The following PHLPP2 variants were observed in gnomAD, a reference collection of about 807,000 sequenced individuals.
PHLPP2 encodes PH domain and leucine rich repeat protein phosphatase 2, also known as PH domain leucine-rich repeat-containing protein phosphatase 2.
Under a neutral mutation model 124.9 loss-of-function variants are expected in PHLPP2, and 66 were observed. That is an observed-to-expected ratio of 0.53 (90% CI 0.43 to 0.65). PHLPP2 has a LOEUF of 0.65. Ranked by LOEUF, PHLPP2 falls within the 30% of genes least tolerant of loss-of-function variation. The pLI is 0.00. For synonymous variants in PHLPP2, 681 were observed against 624.7 expected (o/e 1.09, Z -1.34); for missense variants, 1,685 against 1,600.4 (o/e 1.05, Z -0.90).
At position 71,690,585 on chromosome 16, in the gene PHLPP2, A is replaced by C; in HGVS notation, c.543T>G (p.Leu181=). The change falls in exon 4 of 19, where the codon CTT becomes CTG. Residue 181 remains leucine (L), a synonymous_variant. Transcript: ENST00000568954. ...GACAATCCTTCACTGAGGAAACGAT[A>C]AGGCAGGTACCACAGAGGACAACTA... is the stretch of plus-strand genomic sequence containing the variant. The part of the protein sequence containing the change: ...ERLVVLCGTC[L]IVSSVKDCQT... The C allele has an allele frequency of 6.2e-7, 1 of 1,613,216 alleles. No homozygotes were observed. The highest frequency in any genetic ancestry group is 8.5e-7 in the Non-Finnish European group (1 of 1,179,162).
chr16:71,697,394 AT>A (rs2145363015), intron 3 of PHLPP2, among the ~76,000 whole-genome samples: 1 of 152,102 alleles, frequency 6.6e-6, no homozygotes, highest in Non-Finnish European at 1.5e-5. Flanking sequence ...ATGGAAGAAA[AT>A]TTTGTCACAT....
chr16:71,704,140 C>T (rs910868132), intron 2 of PHLPP2, among the ~76,000 whole-genome samples: 1 of 151,836 alleles, frequency 6.6e-6, no homozygotes, highest in Non-Finnish European at 1.5e-5. Flanking sequence ...GAAACTCCAT[C>T]TCTGCTAAAA....
intron 13 of PHLPP2, among the ~76,000 whole-genome samples, chr16:71,662,740 T>C (rs2044802844): frequency 6.6e-6 from 1 of 152,118 alleles, no homozygotes; most frequent in African/African-American, 2.4e-5. Flanking sequence ...TTCCAGGTTT[T>C]AGCTGGTCAT....
Position 71,669,348 on chromosome 16 carries a change from CA to C in PHLPP2, c.1554del (p.Asp519ThrfsTer9). 1 of 1,611,622 alleles carries C rather than the reference CA, an allele frequency of 6.2e-7. No individual in the cohort carries two copies. Among genetic ancestry groups the C allele is most frequent in the Non-Finnish European group, 8.5e-7 (1 of 1,179,152 alleles). ...DLSRNLLECV[P>X]DWACEAKKIE... ...ATCTTCTTTGCTTCACAGGCCCAGT[CA>C]GGGACACACTCTAGCAGGTTTCTGC... On this transcript the variant is annotated frameshift_variant, in exon 11 of 19. Transcript: ENST00000568954. LOFTEE classifies it high-confidence loss of function.
chr16:71,688,921 C>T (rs1182571533), intron 4 of PHLPP2, among the ~76,000 whole-genome samples: 1 of 152,158 alleles, frequency 6.6e-6, no homozygotes. Context: ...TGGATTCTCC[C>T]ACCTCTTTAG....
chr16:71,702,107 G>A (rs940232121), intron 3 of PHLPP2, among the ~76,000 whole-genome samples: 3 of 152,020 alleles, frequency 2.0e-5, no homozygotes, highest in South Asian at 4.1e-4. Flanking sequence ...TAGATGGGTC[G>A]TGTTCCTCAA....
chr16:71,694,209 A>G (rs1224254551), intron 3 of PHLPP2, among the ~76,000 whole-genome samples: 1 of 151,574 alleles, frequency 6.6e-6, no homozygotes, highest in Non-Finnish European at 1.5e-5. Flanking sequence ...ATAAAATAAA[A>G]TAAAATAATT....
rs73580203 is a variant in PHLPP2 at position 71,698,290 on chromosome 16, C to T, written c.418+4308G>A. 2.4e-3 allele frequency among the ~76,000 whole-genome samples: 372 copies of T among 152,280 alleles called. 2 individuals carry two copies. Among genetic ancestry groups the T allele is most frequent in the African/African-American group, 8.0e-3 (333 of 41,572 alleles). ...CCATCTGGGATGAGCTGCTTCTCAG[C>T]CCCCATGTCTTCAAATTCATCTGCA... On this transcript the variant is annotated intron_variant, in intron 3 of 18. Coordinates refer to ENST00000568954, the MANE Select transcript of PHLPP2 (RefSeq NM_015020.3).
chr16:71,690,503 T>C lies in PHLPP2; in HGVS notation c.609+16A>G, dbSNP rs772898763. Reference sequence around the variant, plus strand: ...AGATGATCAAATGAAAAATAATTCATCTTTGTGAGTCTTACCTTTCCACCA... The same window carrying C: ...AGATGATCAAATGAAAAATAATTCACCTTTGTGAGTCTTACCTTTCCACCA... On this transcript the variant is annotated intron_variant, in intron 4 of 18. Transcript: ENST00000568954. The C allele has an allele frequency of 1.6e-5, 25 of 1,523,582 alleles. No homozygotes were observed. The East Asian group carries it at 5.6e-4, about 34-fold the overall frequency. The allele number at this position is 1,523,582 out of a possible 1,614,324, so 94.4% of individuals were successfully genotyped here. A position where few individuals can be genotyped will look rare whatever the true frequency, so the allele number is the denominator to read the frequency against.
At chr16:71,683,017 A>C (rs961986771) in intron 5 of PHLPP2, among the ~76,000 whole-genome samples, 1 of 152,112 alleles carries the variant, frequency 6.6e-6, no homozygotes, top group African/African-American at 2.4e-5. Context: ...CTAAAAATAC[A>C]CAGATTAGCT....
At chr16:71,658,129 T>C in intron 15 of PHLPP2, 104 bp downstream of exon 15, 1 of 986,022 alleles carries the variant, frequency 1.0e-6, no homozygotes. Flanking sequence ...CCTAACTTCA[T>C]TCTGTTCTTT....
Position 71,723,859 on chromosome 16 carries a change from C to T in PHLPP2, c.-7+470G>A, listed in dbSNP as rs984207372. 2.5e-6 allele frequency: 3 copies of T among 1,200,348 alleles called. No individual in the cohort carries two copies. In the African/African-American group the frequency reaches 4.9e-5, roughly 19 times the overall value. The allele number at this position is 1,200,348 out of a possible 1,614,324, so 74.4% of individuals were successfully genotyped here. The stretch of plus-strand genomic sequence containing the variant: ...GCGGGCCCGCGGGCCCCGGCTCCAC[C>T]TCCCCCATCGGCGACCCAGGATTCA... On this transcript the variant is annotated intron_variant, in intron 1 of 18. Transcript: ENST00000568954.
At chr16:71,660,586 C>T (rs1009903846) in intron 13 of PHLPP2, among the ~76,000 whole-genome samples, 3 of 151,658 alleles carry the variant, frequency 2.0e-5, no homozygotes, top group Non-Finnish European at 2.9e-5. Context: ...CCACCATGCC[C>T]GGCTAATTTT....
At position 71,649,795 on chromosome 16, in the gene PHLPP2, G is replaced by C; in HGVS notation, c.3067C>G (p.Gln1023Glu). The C allele has an allele frequency of 3.1e-6, 5 of 1,614,226 alleles. No homozygotes were observed. Among genetic ancestry groups the C allele is most frequent in the Non-Finnish European group, 4.2e-6 (5 of 1,180,040 alleles). Residue 1023 changes from glutamine (Q) to glutamate (E), a missense_variant, in exon 19 of 19, where the codon CAG (glutamine) becomes GAG (glutamate). Physicochemically the swap from Gln to Glu is conservative, Grantham distance 29 (BLOSUM62 2). Coordinates refer to ENST00000568954, the MANE Select transcript of PHLPP2 (RefSeq NM_015020.3). ...ACTACCATCGCCCCTACATTGTCCT[G>C]ACAGCCATAGCTCTGCGCTAATGTG... ...LCTLAQSYGC[Q>E]DNVGAMVVYL...
intron 13 of PHLPP2, among the ~76,000 whole-genome samples, chr16:71,663,419 T>G (rs562432783): frequency 1.6e-4 from 25 of 152,342 alleles, no homozygotes; most frequent in Non-Finnish European, 2.6e-4. Context: ...CCAAACACCC[T>G]GCCTTTCTTA....
chr16:71,719,534 T>C (rs980862913), intron 1 of PHLPP2, among the ~76,000 whole-genome samples: 3 of 152,076 alleles, frequency 2.0e-5, no homozygotes, highest in Admixed American at 6.6e-5. Context: ...AATGAGGCTA[T>C]CTCTCTAAAA....
intron 4 of PHLPP2, among the ~76,000 whole-genome samples, chr16:71,689,199 G>C (rs143993097): frequency 1.3e-5 from 2 of 151,804 alleles, no homozygotes; most frequent in Non-Finnish European, 2.9e-5. Flanking sequence ...AGCTCAGCTA[G>C]GTCTTTTCAT....
chr16:71,689,011 G>C (rs2045080736), intron 4 of PHLPP2, among the ~76,000 whole-genome samples: 1 of 152,094 alleles, frequency 6.6e-6, no homozygotes, highest in Non-Finnish European at 1.5e-5. Context: ...AGAAACAAAA[G>C]ATACCAACCA....
chr16:71,722,806 G>A (rs1402292534), intron 1 of PHLPP2, among the ~76,000 whole-genome samples: 1 of 152,098 alleles, frequency 6.6e-6, no homozygotes, highest in African/African-American at 2.4e-5. Context: ...TTGACCTACA[G>A]AAAAATTTCT....
Sources: gnomAD v4.1 joint callset for allele counts (sites outside exome capture counted in the v4.1 genomes callset) on GRCh38, gnomAD v4.1.1 for gene constraint, MANE v1.5 for transcripts, NCBI Gene and HGNC (gene_info 2026-07-23, HGNC 2026-07-21) for gene names.